Variants in SUGCT observed in about 807,000 individuals in gnomAD.
SUGCT encodes succinyl-CoA:glutarate CoA-transferase.
Under a neutral mutation model 55.0 loss-of-function variants are expected in SUGCT, and 41 were observed. The observed-to-expected ratio is 0.74, with a 90% CI of 0.58 to 0.97. The LOEUF is 0.97. Among genes scored for constraint, SUGCT ranks in the 50% least tolerant of loss-of-function variants. The pLI is 0.00. For missense variants in SUGCT, 568 were observed against 547.8 expected, an observed-to-expected ratio of 1.04 and a Z score of -0.37; for synonymous variants, 187 against 200.4, an observed-to-expected ratio of 0.93 and a Z score of 0.56.
chr7:40,326,516 T>G (rs1796035114), intron 9 of SUGCT, among the ~76,000 whole-genome samples: 1 of 152,212 alleles, frequency 6.6e-6, no homozygotes, highest in Non-Finnish European at 1.5e-5. Flanking sequence ...GATTTTTAGC[T>G]TAATTTCTTT....
At chr7:40,541,851 C>G (rs1794701493) in intron 12 of SUGCT, among the ~76,000 whole-genome samples, 1 of 152,110 alleles carries the variant, frequency 6.6e-6, no homozygotes, top group African/African-American at 2.4e-5. Flanking sequence ...CCTGGAGATT[C>G]AGAGAAGTCA....
intron 12 of SUGCT, among the ~76,000 whole-genome samples, chr7:40,564,388 A>G (rs947573996): frequency 6.6e-6 from 1 of 152,242 alleles, no homozygotes. Context: ...CCGTCTCAAA[A>G]AAATAAATAA....
At chr7:40,507,437 C>A (rs1450447361) in intron 12 of SUGCT, among the ~76,000 whole-genome samples, 15 of 152,042 alleles carry the variant, frequency 9.9e-5, no homozygotes, top group African/African-American at 3.4e-4. Context: ...TATCCTTTAC[C>A]GTTGGATGTG....
chr7:40,187,636 A>C (rs1785602365), intron 3 of SUGCT, among the ~76,000 whole-genome samples: 1 of 152,138 alleles, frequency 6.6e-6, no homozygotes. Context: ...TATGAGTGCA[A>C]ATATCTAAAA....
intron 12 of SUGCT, among the ~76,000 whole-genome samples, chr7:40,714,684 A>G (rs1488821346): frequency 6.6e-6 from 1 of 152,234 alleles, no homozygotes; most frequent in African/African-American, 2.4e-5. Context: ...GCTTTTATCA[A>G]TTAAGTCACA....
chr7:40,367,450 G>GA (rs11336365), intron 9 of SUGCT, among the ~76,000 whole-genome samples: 17 of 148,532 alleles, frequency 1.1e-4, no homozygotes, highest in East Asian at 8.0e-4. Flanking sequence ...AAATTACCCA[G>GA]AAAAAAAAAA....
At chr7:40,652,491 T>C (rs1363976756) in intron 12 of SUGCT, among the ~76,000 whole-genome samples, 3 of 152,220 alleles carry the variant, frequency 2.0e-5, no homozygotes, top group Non-Finnish European at 4.4e-5. Context: ...TCCACCTTCA[T>C]GTTTACTACT....
the SUGCT span, among the ~76,000 whole-genome samples, chr7:40,893,919 C>T: frequency 6.6e-6 from 1 of 151,910 alleles, no homozygotes; most frequent in Non-Finnish European, 1.5e-5. Context: ...AAATTAGCTG[C>T]ACATGGTGGC....
At chr7:40,849,243 A>T (rs1237510707) in intron 13 of SUGCT, among the ~76,000 whole-genome samples, 1 of 152,246 alleles carries the variant, frequency 6.6e-6, no homozygotes, top group Non-Finnish European at 1.5e-5. Context: ...TTAAGAAAAA[A>T]ATCAAATGAA....
chr7:40,376,185 A>T (rs1784532739), intron 9 of SUGCT, among the ~76,000 whole-genome samples: 1 of 152,162 alleles, frequency 6.6e-6, no homozygotes, highest in African/African-American at 2.4e-5. Context: ...GGAAGGTAAA[A>T]TATGTCCTTT....
chr7:40,222,674 T>G (rs1453804793), intron 6 of SUGCT, among the ~76,000 whole-genome samples: 1 of 152,168 alleles, frequency 6.6e-6, no homozygotes, highest in Non-Finnish European at 1.5e-5. Flanking sequence ...AAACTCTATC[T>G]TTACTAAAAA....
chr7:40,976,314 G>T, the SUGCT span, among the ~76,000 whole-genome samples: 1 of 152,100 alleles, frequency 6.6e-6, no homozygotes, highest in African/African-American at 2.4e-5. Flanking sequence ...TACATGGGAG[G>T]TATCCCAGTT....
chr7:40,355,794 G>A (rs1230472998), intron 9 of SUGCT, among the ~76,000 whole-genome samples: 1 of 152,164 alleles, frequency 6.6e-6, no homozygotes, highest in Non-Finnish European at 1.5e-5. Flanking sequence ...TCTTAATGCT[G>A]ATCTGTAATA....
chr7:40,651,550 G>A (rs758362901), intron 12 of SUGCT, among the ~76,000 whole-genome samples: 1 of 151,908 alleles, frequency 6.6e-6, no homozygotes, highest in Non-Finnish European at 1.5e-5. Flanking sequence ...CATGTGCCTA[G>A]GCATGCATTT....
the SUGCT span, among the ~76,000 whole-genome samples, chr7:40,938,934 C>T: frequency 2.6e-5 from 4 of 152,024 alleles, no homozygotes; most frequent in Admixed American, 6.6e-5. Flanking sequence ...TGGGCACTTA[C>T]GTTGGATCCA....
intron 13 of SUGCT, among the ~76,000 whole-genome samples, chr7:40,821,689 ATTTTGT>A (rs1792025015): frequency 6.6e-6 from 1 of 151,754 alleles, no homozygotes; most frequent in Non-Finnish European, 1.5e-5. Context: ...CGGTCTGTCA[ATTTTGT>A]TGATCTTTTC....
intron 13 of SUGCT, among the ~76,000 whole-genome samples, chr7:40,773,648 CT>C (rs1789301571): frequency 1.3e-5 from 2 of 152,054 alleles, no homozygotes; most frequent in Admixed American, 6.6e-5. Context: ...TGCAGAGATA[CT>C]TTTTTTGCTT....
chr7:40,647,795 G>A (rs1800595610), intron 12 of SUGCT, among the ~76,000 whole-genome samples: 1 of 151,500 alleles, frequency 6.6e-6, no homozygotes. Context: ...AGATTGCAGT[G>A]AGCAGAGATT....
the SUGCT span, among the ~76,000 whole-genome samples, chr7:40,946,717 T>C: frequency 2.0e-5 from 3 of 152,252 alleles, no homozygotes; most frequent in East Asian, 1.9e-4. Context: ...TTGCTGGATA[T>C]AAAATTTTTG....
Sources: gnomAD v4.1 joint callset for allele counts (sites outside exome capture counted in the v4.1 genomes callset) on GRCh38, gnomAD v4.1.1 for gene constraint, MANE v1.5 for transcripts, NCBI Gene and HGNC (gene_info 2026-07-23, HGNC 2026-07-21) for gene names.